FBXO8: variants seen among roughly 807,000 people sequenced by gnomAD.
FBXO8 encodes the protein F-box protein 8, also known as F-box only protein 8.
FBXO8 carries 15 observed loss-of-function variants against 33.4 expected under a neutral mutation model. The observed-to-expected ratio is 0.45, with a 90% CI of 0.30 to 0.69. The LOEUF is 0.69. Among genes scored for constraint, FBXO8 ranks in the 30% least tolerant of loss-of-function variants. The pLI is 0.08. For missense variants in FBXO8, 274 were observed against 380.3 expected, an observed-to-expected ratio of 0.72 and a Z score of 2.32; for synonymous variants, 132 against 131.5, an observed-to-expected ratio of 1.00 and a Z score of -0.02.
In FBXO8 at chr4:174,249,488, T is replaced by C. The variant is rs567279923; in HGVS notation, c.457-8270A>G. 2.6e-5 allele frequency among the ~76,000 whole-genome samples: 4 copies of C among 152,136 alleles called. No homozygotes were observed. In the South Asian group the frequency reaches 6.2e-4, roughly 24 times the overall value. On this transcript the variant is annotated intron_variant, in intron 3 of 5. Transcript: ENST00000393674. ...TTTGCAATGTGCATATATACAACTG[T>C]TTAAATGACTAACCCATAAATACTA...
rs907489887 is a variant in FBXO8 at position 174,281,822 on chromosome 4, G to C, written c.-9+1588C>G. The stretch of plus-strand genomic sequence containing the variant: ...ATGAGAGCAAAACGAAAAAGAAATA[G>C]TGAACATAAATTTCCAGAAATAGAT... On this transcript the variant is annotated intron_variant, in intron 1 of 5. Transcript: ENST00000393674. This position sits in a 1 kb window ranked among gnomAD's most constrained non-coding sequence, Gnocchi z 4.6. 2.0e-5 allele frequency among the ~76,000 whole-genome samples: 3 copies of C among 152,182 alleles called. No individual in the cohort carries two copies. The highest frequency in any genetic ancestry group is 4.4e-5 in the Non-Finnish European group (3 of 68,024).
chr4:174,237,684 T>C lies in FBXO8; in HGVS notation c.773-85A>G, dbSNP rs1735918414. 3.6e-6 allele frequency: 4 copies of C among 1,114,348 alleles called. No homozygotes were observed. The highest frequency in any genetic ancestry group is 5.1e-6 in the Non-Finnish European group (4 of 789,672). The allele number at this position is 1,114,348 out of a possible 1,614,324, so 69.0% of individuals were successfully genotyped here. On this transcript the variant is annotated intron_variant, in intron 5 of 5. Coordinates refer to ENST00000393674, the MANE Select transcript of FBXO8 (RefSeq NM_012180.3). The surrounding 1 kb of genome is among the most constrained non-coding windows in gnomAD (Gnocchi z 4.4). The stretch of plus-strand genomic sequence containing the variant: ...GCATTATATAAGGCAAAAATGTTCA[T>C]AATTTCAAGATATCAAGATTAGCTC...
At chr4:174,258,422 T>C (rs1227612836) in intron 3 of FBXO8, among the ~76,000 whole-genome samples, 1 of 152,200 alleles carries the variant, frequency 6.6e-6, no homozygotes, top group African/African-American at 2.4e-5. Context: ...CAATATTATA[T>C]TGGTAAATGT....
intron 4 of FBXO8, 140 bp downstream of exon 4, chr4:174,240,960 A>T: frequency 2.0e-6 from 1 of 494,404 alleles, no homozygotes; most frequent in Non-Finnish European, 3.6e-6. Flanking sequence ...ATGATGTGTG[A>T]GATATAGGAA....
intron 3 of FBXO8, among the ~76,000 whole-genome samples, chr4:174,243,468 G>A (rs1736087216): frequency 6.7e-6 from 1 of 150,314 alleles, no homozygotes; most frequent in African/African-American, 2.4e-5. Flanking sequence ...TAATAAGCAA[G>A]CTGTAAGTCA....
chr4:174,257,016 A>C lies in FBXO8; in HGVS notation c.456+2683T>G, dbSNP rs1736431968. On this transcript the variant is annotated intron_variant, in intron 3 of 5. Transcript: ENST00000393674. This position sits in a 1 kb window ranked among gnomAD's most constrained non-coding sequence, Gnocchi z 4.3. ...AAATCTTATTTTAATTAATAACTTA[A>C]ATCCCCTCCCTTAACAAACATTTGA... Among the ~76,000 whole-genome samples, 1 of 152,126 alleles carries C rather than the reference A, an allele frequency of 6.6e-6. No homozygotes were observed.
intron 4 of FBXO8, among the ~76,000 whole-genome samples, chr4:174,239,427 C>G (rs1579016026): frequency 6.6e-6 from 1 of 151,712 alleles, no homozygotes; most frequent in African/African-American, 2.4e-5. Context: ...AAGGTAAAAC[C>G]TAGTAATTTT....
intron 1 of FBXO8, chr4:174,269,244 CAG>C (rs905059720): frequency 2.0e-5 from 3 of 151,466 alleles, no homozygotes; most frequent in African/African-American, 7.3e-5. Context: ...ACTTAGGTCA[CAG>C]AGAGAAATTA....
At chr4:174,282,905 G>A (rs1471905446) in intron 1 of FBXO8, among the ~76,000 whole-genome samples, 1 of 152,156 alleles carries the variant, frequency 6.6e-6, no homozygotes, top group Non-Finnish European at 1.5e-5. Context: ...CAGTCGCTGA[G>A]AAACAAATAA....
intron 1 of FBXO8, among the ~76,000 whole-genome samples, chr4:174,279,552 C>G (rs1055451113): frequency 2.0e-5 from 3 of 152,000 alleles, no homozygotes; most frequent in African/African-American, 7.2e-5. Flanking sequence ...TCAAACCAAA[C>G]TTGAAAAAGA....
In FBXO8 at chr4:174,257,071, T is replaced by C. The variant is rs957128150; in HGVS notation, c.456+2628A>G. Among the ~76,000 whole-genome samples the C allele has an allele frequency of 1.3e-5, 2 of 152,136 alleles. No individual in the cohort carries two copies. The highest frequency in any genetic ancestry group is 2.9e-5 in the Non-Finnish European group (2 of 68,004). Reference sequence around the variant, plus strand: ...TAATTTTAAAAAATTATGTCAGATATAAAAACAACTTGAATTTGAGCTCTT... The same window carrying C: ...TAATTTTAAAAAATTATGTCAGATACAAAAACAACTTGAATTTGAGCTCTT... On this transcript the variant is annotated intron_variant, in intron 3 of 5. Coordinates refer to ENST00000393674, the MANE Select transcript of FBXO8 (RefSeq NM_012180.3). The surrounding 1 kb of genome is among the most constrained non-coding windows in gnomAD (Gnocchi z 4.3).
chr4:174,249,052 A>C (rs1418948971), intron 3 of FBXO8, among the ~76,000 whole-genome samples: 3 of 152,090 alleles, frequency 2.0e-5, no homozygotes, highest in African/African-American at 7.2e-5. Flanking sequence ...TAAAGTTTTA[A>C]ATAATTAAAA....
At chr4:174,249,810 A>G (rs1736245246) in intron 3 of FBXO8, among the ~76,000 whole-genome samples, 1 of 152,020 alleles carries the variant, frequency 6.6e-6, no homozygotes, top group Non-Finnish European at 1.5e-5. Flanking sequence ...TACTGAAACA[A>G]AATGTTACTG....
chr4:174,270,394 G>A lies in FBXO8; in HGVS notation c.-8-7294C>T, dbSNP rs1457563980. Reference sequence around the variant, plus strand: ...GTATTTATCTAGAAGACTGCATAAAGTTTCCTACTTAGCTAAAGGTCCTTT... The same window carrying A: ...GTATTTATCTAGAAGACTGCATAAAATTTCCTACTTAGCTAAAGGTCCTTT... On this transcript the variant is annotated intron_variant, in intron 1 of 5. Coordinates refer to ENST00000393674, the MANE Select transcript of FBXO8 (RefSeq NM_012180.3). The surrounding 1 kb of genome is among the most constrained non-coding windows in gnomAD (Gnocchi z 4.6). 1.3e-5 allele frequency among the ~76,000 whole-genome samples: 2 copies of A among 152,068 alleles called. No individual in the cohort carries two copies. Among genetic ancestry groups the A allele is most frequent in the African/African-American group, 4.8e-5 (2 of 41,390 alleles).
rs1736498756 is a variant in FBXO8 at position 174,259,588 on chromosome 4, A to C, written c.456+111T>G. The stretch of plus-strand genomic sequence containing the variant: ...AAATATTGGTTTTCTCAGTGATCAA[A>C]AAAGCATGTTCAATGACTTTTTGTT... On this transcript the variant is annotated intron_variant, in intron 3 of 5. Transcript: ENST00000393674. This position sits in a 1 kb window ranked among gnomAD's most constrained non-coding sequence, Gnocchi z 4.3. 1.4e-6 allele frequency: 2 copies of C among 1,383,800 alleles called. No homozygotes were observed. Among genetic ancestry groups the C allele is most frequent in the African/African-American group, 1.5e-5 (1 of 67,776 alleles). The allele number at this position is 1,383,800 out of a possible 1,614,324, so 85.7% of individuals were successfully genotyped here.
intron 4 of FBXO8, among the ~76,000 whole-genome samples, chr4:174,239,672 T>C (rs1299852040): frequency 6.6e-6 from 1 of 151,902 alleles, no homozygotes; most frequent in African/African-American, 2.4e-5. Context: ...TTTGCTTTTT[T>C]CACATAGTAT....
chr4:174,258,721 A>G (rs1236077147), intron 3 of FBXO8, among the ~76,000 whole-genome samples: 1 of 152,040 alleles, frequency 6.6e-6, no homozygotes. Context: ...AATTGATTAG[A>G]AAAAGATATT....
At position 174,239,107 on chromosome 4, in the gene FBXO8, T is replaced by C. The variant is rs1344853776; in HGVS notation, c.659A>G (p.His220Arg). The C allele has an allele frequency of 3.7e-6, 6 of 1,608,264 alleles. No homozygotes were observed. Among genetic ancestry groups the C allele is most frequent in the Non-Finnish European group, 5.1e-6 (6 of 1,176,708 alleles). ...TCCACGCTCTTCAGGGGCATGGATA[T>C]GACGAAAAAATTCTCTCAGTGCATT... Reference protein sequence around the residue: ...LPNALREFFRHIHAPEERGEY... With the variant: ...LPNALREFFRRIHAPEERGEY... Residue 220 changes from histidine (H) to arginine (R), a missense_variant, in exon 5 of 6, where the codon CAT (histidine) becomes CGT (arginine). Around this residue, in one of 2 missense-constraint regions of FBXO8, gnomAD observed 186 missense variants for 293.4 expected, o/e 0.63. Transcript: ENST00000393674.
At position 174,270,560 on chromosome 4, in the gene FBXO8, T is replaced by C. The variant is rs546661701; in HGVS notation, c.-8-7460A>G. On this transcript the variant is annotated intron_variant, in intron 1 of 5. Coordinates refer to ENST00000393674, the MANE Select transcript of FBXO8 (RefSeq NM_012180.3). This position sits in a 1 kb window ranked among gnomAD's most constrained non-coding sequence, Gnocchi z 4.6. Reference sequence around the variant, plus strand: ...AAAGCTCTTTTGGTATTACATAGCTTAAATTTAATATGCTAAACTTCAAGA... The same window carrying C: ...AAAGCTCTTTTGGTATTACATAGCTCAAATTTAATATGCTAAACTTCAAGA... Among the ~76,000 whole-genome samples, 30 of 152,270 alleles carry C rather than the reference T, an allele frequency of 2.0e-4. No homozygotes were observed. Among genetic ancestry groups the C allele is most frequent in the South Asian group, 4.1e-4 (2 of 4,830 alleles).
Sources: gnomAD v4.1 joint callset for allele counts (sites outside exome capture counted in the v4.1 genomes callset) on GRCh38, gnomAD v4.1.1 for gene constraint, gnomAD v4.1.1 regional missense constraint, Gnocchi (gnomAD v3.1) non-coding constraint, MANE v1.5 for transcripts, NCBI Gene and HGNC (gene_info 2026-07-23, HGNC 2026-07-21) for gene names.